The following TENM4 variants were observed in gnomAD, a reference collection of about 807,000 sequenced individuals.
TENM4 encodes teneurin transmembrane protein 4, also known as teneurin-4.
In TENM4, 82 loss-of-function variants were observed where a neutral mutation model predicts 243.3. The ratio of observed to expected loss-of-function variants is 0.34; its 90% CI spans 0.28 to 0.40. The LOEUF (loss-of-function observed/expected upper bound fraction) is 0.40, where lower values mean the gene tolerates loss of function less well. Among genes scored for constraint, TENM4 ranks in the 10% least tolerant of loss-of-function variants. The pLI, the probability that TENM4 is intolerant of heterozygous loss-of-function variation, is 1.00. For synonymous variants in TENM4, 1,412 were observed against 1,456.3 expected (o/e 0.97, Z 0.69); for missense variants, 3,138 against 3,673.3 (o/e 0.85, Z 3.77).
At chr11:79,020,623 TA>T (rs973046800) in intron 6 of TENM4, among the ~76,000 whole-genome samples, 4 of 151,644 alleles carry the variant, frequency 2.6e-5, no homozygotes, top group African/African-American at 7.3e-5. Context: ...TTCCTGGCAT[TA>T]AAAAAAACAT....
intron 2 of TENM4, among the ~76,000 whole-genome samples, chr11:79,275,446 T>G (rs1488586470): frequency 6.6e-6 from 1 of 152,310 alleles, no homozygotes; most frequent in East Asian, 1.9e-4. Context: ...GAAATGCGCT[T>G]TGCACTCTGC....
chr11:79,427,641 G>C (rs1454250074), intron 1 of TENM4, among the ~76,000 whole-genome samples: 1 of 152,118 alleles, frequency 6.6e-6, no homozygotes, highest in Non-Finnish European at 1.5e-5. Flanking sequence ...CTTGTTCTCT[G>C]TGTTATCTTA....
intron 10 of TENM4, among the ~76,000 whole-genome samples, chr11:78,861,200 T>C (rs140239240): frequency 5.9e-5 from 9 of 152,356 alleles, no homozygotes; most frequent in African/African-American, 1.7e-4. Flanking sequence ...GGCAGGACCA[T>C]GGACAGGGCC....
At chr11:78,848,470 C>T (rs899448754) in intron 12 of TENM4, among the ~76,000 whole-genome samples, 1 of 152,188 alleles carries the variant, frequency 6.6e-6, no homozygotes, top group African/African-American at 2.4e-5. Context: ...CTGGTAGTAC[C>T]TACTACCTGG....
At chr11:79,184,755 A>G (rs919915142) in intron 3 of TENM4, among the ~76,000 whole-genome samples, 1 of 152,194 alleles carries the variant, frequency 6.6e-6, no homozygotes, top group African/African-American at 2.4e-5. Flanking sequence ...ATGGGCATAG[A>G]GTTTCAGTTT....
At chr11:79,188,358 A>G (rs1435587312) in intron 3 of TENM4, among the ~76,000 whole-genome samples, 1 of 152,176 alleles carries the variant, frequency 6.6e-6, no homozygotes, top group African/African-American at 2.4e-5. Flanking sequence ...TGAATCCAGA[A>G]TGCTGACTTC....
intron 6 of TENM4, among the ~76,000 whole-genome samples, chr11:78,999,788 G>A (rs1858268738): frequency 6.6e-6 from 1 of 151,952 alleles, no homozygotes; most frequent in Non-Finnish European, 1.5e-5. Flanking sequence ...ATATAATAAA[G>A]GCTCCAGGAG....
intron 1 of TENM4, among the ~76,000 whole-genome samples, chr11:79,417,375 A>C (rs1482980024): frequency 6.6e-6 from 1 of 152,080 alleles, no homozygotes; most frequent in African/African-American, 2.4e-5. Context: ...CTCAAAGGGG[A>C]CTGGTCCCTC....
intron 6 of TENM4, among the ~76,000 whole-genome samples, chr11:79,041,494 C>CAA (rs34771137): frequency 0.56 from 78,297 of 139,688 alleles, 24,616 homozygotes; most frequent in Non-Finnish European, 0.73. Context: ...TGGAGGCACT[C>CAA]AAAAAAAAAA....
At chr11:78,718,289 A>AT (rs60490425) in intron 25 of TENM4, among the ~76,000 whole-genome samples, 21,522 of 152,056 alleles carry the variant, frequency 0.14, 1,810 homozygotes, top group Middle Eastern at 0.18. Context: ...AAAGTGATTC[A>AT]TTTTTTCCTT....
intron 12 of TENM4, among the ~76,000 whole-genome samples, chr11:78,847,354 G>C (rs1858420805): frequency 6.6e-6 from 1 of 152,346 alleles, no homozygotes; most frequent in Middle Eastern, 3.4e-3. Flanking sequence ...GCAATCGAAG[G>C]TAAGATCCCA....
chr11:78,820,812 G>T (rs925400569), intron 12 of TENM4, among the ~76,000 whole-genome samples: 1 of 152,208 alleles, frequency 6.6e-6, no homozygotes, highest in Admixed American at 6.5e-5. Flanking sequence ...GGGGGAAAGC[G>T]CTGTGAAAGC....
intron 2 of TENM4, among the ~76,000 whole-genome samples, chr11:79,252,210 G>A (rs1855622950): frequency 2.0e-5 from 3 of 152,170 alleles, no homozygotes; most frequent in South Asian, 4.1e-4. Context: ...AGTCATCCCT[G>A]GGGAAAAGGA....
At chr11:78,704,131 G>A (rs144999036) in intron 27 of TENM4, among the ~76,000 whole-genome samples, 35 of 133,154 alleles carry the variant, frequency 2.6e-4, no homozygotes, top group Non-Finnish European at 5.1e-4. Flanking sequence ...ATATATACAC[G>A]TGTATGTCTA....
At chr11:79,102,056 C>T (rs1201027692) in intron 4 of TENM4, among the ~76,000 whole-genome samples, 1 of 152,142 alleles carries the variant, frequency 6.6e-6, no homozygotes, top group Non-Finnish European at 1.5e-5. Flanking sequence ...CTTCTCCATG[C>T]CCCAGTCTCC....
chr11:79,212,632 G>C (rs1863974914), intron 3 of TENM4, among the ~76,000 whole-genome samples: 1 of 152,074 alleles, frequency 6.6e-6, no homozygotes, highest in African/African-American at 2.4e-5. Context: ...GACTCACAGG[G>C]GTCATCCCAC....
intron 4 of TENM4, chr11:79,092,987 T>A (rs138050758): frequency 1.3e-5 from 2 of 152,366 alleles, no homozygotes; most frequent in East Asian, 3.9e-4. Context: ...CAGAATTACA[T>A]GTCAAGAGTA....
At chr11:79,364,426 T>C (rs575715569) in intron 1 of TENM4, among the ~76,000 whole-genome samples, 1 of 152,298 alleles carries the variant, frequency 6.6e-6, no homozygotes, top group African/African-American at 2.4e-5. Flanking sequence ...CTGATTCCCT[T>C]TCCCCAAAAC....
At chr11:78,888,931 T>G (rs1432365234) in intron 9 of TENM4, among the ~76,000 whole-genome samples, 4 of 152,184 alleles carry the variant, frequency 2.6e-5, no homozygotes, top group Non-Finnish European at 5.9e-5. Flanking sequence ...AGAGGCTGAT[T>G]TATATAGAGG....
Sources: gnomAD v4.1 joint callset for allele counts (sites outside exome capture counted in the v4.1 genomes callset) on GRCh38, gnomAD v4.1.1 for gene constraint, MANE v1.5 for transcripts, NCBI Gene and HGNC (gene_info 2026-07-23, HGNC 2026-07-21) for gene names.